ARMC5: variants seen among roughly 807,000 people sequenced by gnomAD.
The protein encoded by ARMC5 is armadillo repeat-containing protein 5.
ARMC5 carries 28 observed loss-of-function variants against 60.5 expected under a neutral mutation model. That is an observed-to-expected ratio of 0.46 (90% CI 0.34 to 0.63). The LOEUF is 0.63. Among genes scored for constraint, ARMC5 ranks in the 30% least tolerant of loss-of-function variants. ARMC5 has a pLI of 0.01. For synonymous variants in ARMC5, 680 were observed against 607.3 expected (o/e 1.12, Z -1.76); for missense variants, 1,189 against 1,304.9 (o/e 0.91, Z 1.37).
rs2082358586 is a variant in ARMC5 at position 31,466,308 on chromosome 16, G to A, written c.2227G>A (p.Ala743Thr). 8 of 1,613,660 alleles carry A rather than the reference G, an allele frequency of 5.0e-6. No individual in the cohort carries two copies. Among genetic ancestry groups the A allele is most frequent in the African/African-American group, 1.3e-5 (1 of 74,932 alleles). ...CCTCTATGAACCTCTGCTGGGCCCAGCCCCTGTCCCAGCTCCCGACCTGCA... is the reference window on the plus strand; with the variant it reads ...CCTCTATGAACCTCTGCTGGGCCCAACCCCTGTCCCAGCTCCCGACCTGCA... The part of the protein sequence containing the change: ...PCLYEPLLGP[A>T]PVPAPDLHFL... The change falls in exon 6 of 6, where the codon GCC becomes ACC. Residue 743 changes from alanine to threonine, a missense_variant. Around this residue, in one of 2 missense-constraint regions of ARMC5, gnomAD observed 862 missense variants for 1,071.2 expected, o/e 0.80. Transcript: ENST00000268314. This position sits in a 1 kb window ranked among gnomAD's most constrained non-coding sequence, Gnocchi z 8.0.
chr16:31,459,015 C>T (rs1002080774), upstream of ARMC5: 1 of 1,532,280 alleles, frequency 6.5e-7, no homozygotes, highest in African/African-American at 1.4e-5. Context: ...CGAGCGAGGG[C>T]TCCCCGTCTG....
intron 4 of ARMC5, chr16:31,465,311 T>G (rs1050074836): frequency 6.9e-7 from 1 of 1,449,346 alleles, no homozygotes; most frequent in African/African-American, 1.4e-5. Flanking sequence ...CTTCATGGCG[T>G]TACTGCTAGA....
rs1298369153 is a variant in ARMC5, at chr16:31,464,443, C to A, written c.1420C>A (p.Pro474Thr). ...TGCCACAGGCCCTGATGACATCTCCCCCGACTGGTCTCCTGAGCAGTGTCC... is the reference window on the plus strand; with the variant it reads ...TGCCACAGGCCCTGATGACATCTCCACCGACTGGTCTCCTGAGCAGTGTCC... ...GYATGPDDIS[P>T]DWSPEQCPPE... is the part of the protein sequence containing the mutation. The change falls in exon 4 of 6, where the codon CCC (proline) becomes ACC (threonine). Residue 474 changes from proline (P) to threonine (T), a missense_variant. Pro to Thr is a conservative substitution (Grantham distance 38). Coordinates refer to ENST00000268314, the MANE Select transcript of ARMC5 (RefSeq NM_001105247.2). The surrounding 1 kb of genome is among the most constrained non-coding windows in gnomAD (Gnocchi z 7.6). 4 of 1,579,708 alleles carry A rather than the reference C, an allele frequency of 2.5e-6. No individual in the cohort carries two copies. The highest frequency in any genetic ancestry group is 2.6e-6 in the Non-Finnish European group (3 of 1,165,794).
intron 3 of ARMC5, 128 bp downstream of exon 3, chr16:31,463,045 G>A: frequency 2.0e-6 from 2 of 1,002,464 alleles, no homozygotes; most frequent in Non-Finnish European, 2.8e-6. Flanking sequence ...CCAGACTCCT[G>A]ATTCCCACAC....
Position 31,466,730 on chromosome 16 carries a change from C to A in ARMC5, c.2649C>A (p.His883Gln). 1 of 1,560,704 alleles carries A rather than the reference C, an allele frequency of 6.4e-7. No individual in the cohort carries two copies. Among genetic ancestry groups the A allele is most frequent in the Non-Finnish European group, 8.7e-7 (1 of 1,153,662 alleles). ...TGGGCCGGCCCCGGCTGGCTGCCCA[C>A]TGTGCCCGCTGGACACTGGGGTCAG... ...FRLGRPRLAA[H>Q]CARWTLGSEQ... Residue 883 changes from histidine to glutamine, a missense_variant, in exon 6 of 6, where the codon CAC becomes CAA. Coordinates refer to ENST00000268314, the MANE Select transcript of ARMC5 (RefSeq NM_001105247.2). The surrounding 1 kb of genome is among the most constrained non-coding windows in gnomAD (Gnocchi z 8.0).
upstream of ARMC5, chr16:31,459,299 C>T (rs779278541): frequency 1.3e-6 from 2 of 1,534,710 alleles, no homozygotes; most frequent in Admixed American, 2.0e-5. Context: ...CCACATCTCC[C>T]TCATGCACCG....
rs1372433589 is a variant in ARMC5, at chr16:31,467,021, C to G, written c.*132C>G. The G allele has an allele frequency of 8.5e-7, 1 of 1,181,334 alleles. No individual in the cohort carries two copies. The highest frequency in any genetic ancestry group is 2.1e-5 in the South Asian group (1 of 47,206). 73.2% of individuals were successfully genotyped at this position (1,181,334 alleles called of 1,614,324 possible). A position where few individuals can be genotyped will look rare whatever the true frequency, so the allele number is the denominator to read the frequency against. ...AGCGGTGAGAACATGGAACCGGACTCCAAGATGACGATCTAAAGACCCGGG... is the reference window on the plus strand; with the variant it reads ...AGCGGTGAGAACATGGAACCGGACTGCAAGATGACGATCTAAAGACCCGGG... On this transcript the variant is annotated 3_prime_UTR_variant, in exon 6 of 6. Coordinates refer to ENST00000268314, the MANE Select transcript of ARMC5 (RefSeq NM_001105247.2).
rs768670521 is a variant in ARMC5 at position 31,465,062 on chromosome 16, C to T, written c.1864+175C>T. 13 of 1,613,956 alleles carry T rather than the reference C, an allele frequency of 8.1e-6. No individual in the cohort carries two copies. In the South Asian group the frequency reaches 1.4e-4, roughly 18 times the overall value. The stretch of plus-strand genomic sequence containing the variant: ...CAGGGCGTTCCAGTCCCTCCATGGG[C>T]CCACAGGCAGAGTTCTGCTGTGTCC... On this transcript the variant is annotated intron_variant, in intron 4 of 5. Coordinates refer to ENST00000268314, the MANE Select transcript of ARMC5 (RefSeq NM_001105247.2).
At chr16:31,458,421 C>T (rs1247719591), upstream of ARMC5, 1 of 1,535,726 alleles carries the variant, frequency 6.5e-7, no homozygotes, top group Non-Finnish European at 8.7e-7. Context: ...GGCAGGAGTA[C>T]GGCTTTTCAC....
Position 31,462,179 on chromosome 16 carries a change from A to G in ARMC5, c.632A>G (p.Gln211Arg), listed in dbSNP as rs199786857. ...VESLTACQDS[Q>R]CLQSVVRALR... is the part of the protein sequence containing the mutation. ...AGCCTGACAGCCTGCCAGGACTCGC[A>G]GTGCCTACAGAGCGTGGTGCGTGCC... The change falls in exon 3 of 6, where the codon CAG (glutamine) becomes CGG (arginine). Residue 211 changes from glutamine (Q) to arginine (R), a missense_variant. By Grantham distance (43) the Gln-to-Arg change is conservative (BLOSUM62 1). Transcript: ENST00000268314. This position sits in a 1 kb window ranked among gnomAD's most constrained non-coding sequence, Gnocchi z 7.2. 952 of 1,612,682 alleles carry G rather than the reference A, an allele frequency of 5.9e-4. 12 individuals carry two copies. The highest frequency in any genetic ancestry group is 8.1e-5 in the Non-Finnish European group (95 of 1,179,960).
chr16:31,465,906 G>C lies in ARMC5; in HGVS notation c.1921G>C (p.Ala641Pro). The C allele has an allele frequency of 6.2e-7, 1 of 1,608,926 alleles. No homozygotes were observed. The highest frequency in any genetic ancestry group is 8.5e-7 in the Non-Finnish European group (1 of 1,179,832). ...VQAESPFGVG[A>P]LTHLLLSGSP... ...GGCTGAGTCGCCCTTTGGGGTTGGG[G>C]CCCTGACGCACCTGCTGCTCTCTGG... The change falls in exon 5 of 6, where the codon GCC becomes CCC. Residue 641 changes from alanine (A) to proline (P), a missense_variant. Ala to Pro is a conservative substitution (Grantham distance 27). Coordinates refer to ENST00000268314, the MANE Select transcript of ARMC5 (RefSeq NM_001105247.2).
chr16:31,465,759 C>T, intron 4 of ARMC5, 91 bp from the exon 5 acceptor site: 3 of 1,573,542 alleles, frequency 1.9e-6, no homozygotes, highest in South Asian at 2.3e-5. Flanking sequence ...GAGGTTTCAC[C>T]CTCCTTCATC....
chr16:31,459,541 C>A lies in ARMC5; in HGVS notation c.17C>A (p.Pro6Gln). ...CGAGCCAAGATGGCGGCTGCGAAGC[C>A]AACCCTCACGGACTCGCTCTCGTTC... MAAAK[P>Q]TLTDSLSFCL... is the part of the protein sequence containing the mutation. Residue 6 changes from proline (P) to glutamine (Q), a missense_variant, in exon 1 of 6, where the codon CCA (proline) becomes CAA (glutamine). By Grantham distance (76) the Pro-to-Gln change is moderately conservative (BLOSUM62 -1). Around this residue, in one of 2 missense-constraint regions of ARMC5, gnomAD observed 327 missense variants for 233.7 expected, o/e 1.40. Coordinates refer to ENST00000268314, the MANE Select transcript of ARMC5 (RefSeq NM_001105247.2). 6.2e-7 allele frequency: 1 copy of A among 1,605,546 alleles called. No homozygotes were observed. The highest frequency in any genetic ancestry group is 8.5e-7 in the Non-Finnish European group (1 of 1,178,814).
At chr16:31,463,059 C>A in intron 3 of ARMC5, 142 bp downstream of exon 3, 1 of 880,044 alleles carries the variant, frequency 1.1e-6, no homozygotes. Context: ...CCCACACGAC[C>A]ACCTGCCAGT....
chr16:31,465,292 C>T lies in ARMC5; in HGVS notation c.1864+405C>T, dbSNP rs916025572. ...ACTGCCCTGTCTGCTGTGCCCTGAC[C>T]ACAGGCTGCTTCATGGCGTTACTGC... On this transcript the variant is annotated intron_variant, in intron 4 of 5. Transcript: ENST00000268314. 2.7e-6 allele frequency: 4 copies of T among 1,480,014 alleles called. No individual in the cohort carries two copies. The Admixed American group carries it at 7.3e-5, about 27-fold the overall frequency. The allele number at this position is 1,480,014 out of a possible 1,614,324, so 91.7% of individuals were successfully genotyped here.
chr16:31,459,448 A>T, upstream of ARMC5: 1 of 1,547,284 alleles, frequency 6.5e-7, no homozygotes. Context: ...GCGGTGCCCG[A>T]CGATTTCCCT....
intron 3 of ARMC5, 138 bp downstream of exon 3, chr16:31,463,055 C>A: frequency 4.5e-6 from 4 of 897,498 alleles, no homozygotes; most frequent in Non-Finnish European, 6.5e-6. Context: ...GATTCCCACA[C>A]GACCACCTGC....
intron 4 of ARMC5, 176 bp from the exon 5 acceptor site, chr16:31,465,674 G>C (rs532136284): frequency 1.0e-5 from 15 of 1,437,482 alleles, no homozygotes; most frequent in Admixed American, 5.9e-5. Flanking sequence ...CCCACCTTCT[G>C]TCCTTGTCCT....
chr16:31,466,921 G>C lies in ARMC5; in HGVS notation c.*32G>C. On this transcript the variant is annotated 3_prime_UTR_variant, in exon 6 of 6. Transcript: ENST00000268314. The surrounding 1 kb of genome is among the most constrained non-coding windows in gnomAD (Gnocchi z 8.0). ...GACGTCCCCTGGGAAGGGGACCCAA[G>C]GATGAATTGGCTGTGAAGGATCCTC... The C allele has an allele frequency of 6.7e-7, 1 of 1,483,726 alleles. No individual in the cohort carries two copies. Among genetic ancestry groups the C allele is most frequent in the South Asian group, 1.4e-5 (1 of 70,792 alleles). 91.9% of individuals were successfully genotyped at this position (1,483,726 alleles called of 1,614,324 possible).
Sources: allele counts gnomAD v4.1 joint callset, GRCh38; gene constraint gnomAD v4.1.1; regional missense constraint gnomAD v4.1.1; non-coding constraint Gnocchi (gnomAD v3.1); transcripts MANE v1.5; gene names NCBI Gene and HGNC (gene_info 2026-07-23, HGNC 2026-07-21).